Variants in FAT3 observed in about 807,000 individuals in gnomAD.
FAT3 encodes the protein FAT atypical cadherin 3, also known as protocadherin Fat 3.
FAT3 carries 95 observed loss-of-function variants against 310.2 expected under a neutral mutation model. The ratio of observed to expected loss-of-function variants is 0.31; its 90% CI spans 0.26 to 0.36. FAT3 has a LOEUF of 0.36. FAT3 is among the 10% of genes least tolerant of loss of function. The pLI is 1.00. For synonymous variants in FAT3, 2,314 were observed against 2,192.9 expected (o/e 1.06, Z -1.54); for missense variants, 5,408 against 5,715.6 (o/e 0.95, Z 1.74).
intron 1 of FAT3, among the ~76,000 whole-genome samples, chr11:92,346,933 C>T (rs895463855): frequency 1.3e-5 from 2 of 152,144 alleles, no homozygotes; most frequent in Non-Finnish European, 1.5e-5. Flanking sequence ...TTGTGATTCC[C>T]AGATTTTGTC....
At chr11:92,817,446 A>G (rs923423846) in intron 13 of FAT3, among the ~76,000 whole-genome samples, 1 of 152,186 alleles carries the variant, frequency 6.6e-6, no homozygotes, top group Non-Finnish European at 1.5e-5. Context: ...CTTTTGATAG[A>G]GCTTCCCTGT....
At chr11:92,518,340 AG>A (rs1953560088) in intron 2 of FAT3, among the ~76,000 whole-genome samples, 1 of 152,156 alleles carries the variant, frequency 6.6e-6, no homozygotes, top group South Asian at 2.1e-4. Flanking sequence ...AGCCATAAAA[AG>A]GATGAGTTCC....
intron 19 of FAT3, among the ~76,000 whole-genome samples, chr11:92,847,930 C>G (rs1355800871): frequency 6.6e-6 from 1 of 151,988 alleles, no homozygotes; most frequent in African/African-American, 2.4e-5. Context: ...CACACACACA[C>G]ACACACACAC....
intron 3 of FAT3, among the ~76,000 whole-genome samples, chr11:92,655,796 G>T (rs527291657): frequency 3.3e-4 from 50 of 152,260 alleles, no homozygotes; most frequent in Admixed American, 7.8e-4. Context: ...TATGCTGGGT[G>T]CAAGCATTTA....
rs773647942 is a variant in FAT3, at chr11:92,798,067, A to G, written c.5054A>G (p.Asp1685Gly). 2 of 1,613,788 alleles carry G rather than the reference A, an allele frequency of 1.2e-6. No homozygotes were observed. The highest frequency in any genetic ancestry group is 1.3e-5 in the African/African-American group (1 of 74,920). ...DYQAEVNENVDIGTSVILISA... is the reference protein window; with the variant it reads ...DYQAEVNENVGIGTSVILISA... ...CAAGCAGAAGTAAATGAAAATGTTG[A>G]CATTGGAACATCAGTCATTCTAATC... The change falls in exon 10 of 28, where the codon GAC becomes GGC. Residue 1685 changes from aspartate (D) to glycine (G), a missense_variant. Around this residue, in one of 5 missense-constraint regions of FAT3, gnomAD observed 4,588 missense variants for 4,809.8 expected, o/e 0.95. Coordinates refer to ENST00000525166, the MANE Select transcript of FAT3 (RefSeq NM_001367949.2).
chr11:92,849,965 T>C (rs922174419), intron 19 of FAT3, among the ~76,000 whole-genome samples: 10 of 152,088 alleles, frequency 6.6e-5, no homozygotes, highest in African/African-American at 2.2e-4. Context: ...GTAGGATAGG[T>C]AAAGCAGGCC....
intron 2 of FAT3, among the ~76,000 whole-genome samples, chr11:92,485,636 GT>G (rs1471754858): frequency 6.6e-6 from 1 of 152,104 alleles, no homozygotes; most frequent in African/African-American, 2.4e-5. Flanking sequence ...GAAAATATTT[GT>G]CTGCATCTTT....
intron 2 of FAT3, among the ~76,000 whole-genome samples, chr11:92,441,955 C>T (rs960575385): frequency 2.6e-5 from 4 of 151,360 alleles, no homozygotes; most frequent in South Asian, 2.1e-4. Flanking sequence ...GACACGTTCA[C>T]GACTCAGGAG....
chr11:92,360,270 G>T (rs1343275658), intron 2 of FAT3, among the ~76,000 whole-genome samples: 1 of 152,214 alleles, frequency 6.6e-6, no homozygotes, highest in Non-Finnish European at 1.5e-5. Context: ...GCTTCAAAGA[G>T]AATGTTCTTG....
intron 2 of FAT3, among the ~76,000 whole-genome samples, chr11:92,393,354 CAT>C (rs906420088): frequency 6.6e-6 from 1 of 152,132 alleles, no homozygotes; most frequent in Non-Finnish European, 1.5e-5. Flanking sequence ...CACAGTGAAA[CAT>C]GTGGCATCAA....
rs572045749 is a variant in FAT3 at position 92,775,582 on chromosome 11, A to G, written c.4335+1402A>G. The stretch of plus-strand genomic sequence containing the variant: ...ATGATCATATGACTCTGTTTGCCTT[A>G]AAGAGTCCCATTTATGTCTGTGGAA... On this transcript the variant is annotated intron_variant, in intron 7 of 27. Transcript: ENST00000525166. 1.4e-3 allele frequency among the ~76,000 whole-genome samples: 211 copies of G among 152,280 alleles called. 2 individuals carry two copies. The highest frequency in any genetic ancestry group is 4.9e-3 in the African/African-American group (203 of 41,544).
chr11:92,811,316 T>A (rs1254882762), intron 13 of FAT3, among the ~76,000 whole-genome samples: 1 of 152,218 alleles, frequency 6.6e-6, no homozygotes, highest in Non-Finnish European at 1.5e-5. Flanking sequence ...TTAATCATTT[T>A]AAATTTGATT....
chr11:92,368,247 GT>G (rs372006185), intron 2 of FAT3, among the ~76,000 whole-genome samples: 4 of 152,084 alleles, frequency 2.6e-5, no homozygotes, highest in African/African-American at 9.6e-5. Context: ...TGAAATTTGT[GT>G]TTTTTATTAT....
intron 3 of FAT3, among the ~76,000 whole-genome samples, chr11:92,592,067 C>T (rs750765668): frequency 6.6e-6 from 1 of 151,972 alleles, no homozygotes; most frequent in Non-Finnish European, 1.5e-5. Context: ...ATAGTTGTGA[C>T]ACATGTTAAT....
intron 2 of FAT3, among the ~76,000 whole-genome samples, chr11:92,503,241 G>T (rs1204742253): frequency 6.6e-6 from 1 of 152,022 alleles, no homozygotes; most frequent in East Asian, 1.9e-4. Context: ...TTTGATTCTT[G>T]CATTTTAATA....
chr11:92,574,770 T>C (rs1347161963), intron 3 of FAT3, among the ~76,000 whole-genome samples: 1 of 152,192 alleles, frequency 6.6e-6, no homozygotes. Flanking sequence ...ATGGCTAATA[T>C]TTGTGGAGCA....
intron 3 of FAT3, among the ~76,000 whole-genome samples, chr11:92,674,218 T>TAATAATAAA: frequency 6.8e-6 from 1 of 146,644 alleles, no homozygotes; most frequent in African/African-American, 2.6e-5. Flanking sequence ...ATAATAATAA[T>TAATAATAAA]AAAGAGACAC....
chr11:92,840,495 T>C (rs984726691), intron 17 of FAT3, 67 bp from the exon 18 acceptor site: 1 of 1,372,606 alleles, frequency 7.3e-7, no homozygotes, highest in Non-Finnish European at 9.7e-7. Flanking sequence ...TGTTTTGTTT[T>C]GTTTTAATGA....
At chr11:92,263,607 AT>A (rs1865645420) in intron 1 of FAT3, among the ~76,000 whole-genome samples, 1 of 150,996 alleles carries the variant, frequency 6.6e-6, no homozygotes, top group Admixed American at 6.6e-5. Context: ...TAAATGTGGT[AT>A]TTGAATATAA....
Sources: allele counts gnomAD v4.1 joint callset (sites outside exome capture counted in the v4.1 genomes callset), GRCh38; gene constraint gnomAD v4.1.1; regional missense constraint gnomAD v4.1.1; transcripts MANE v1.5; gene names NCBI Gene and HGNC (gene_info 2026-07-23, HGNC 2026-07-21).